Variants in TMEM163 observed in about 807,000 individuals in gnomAD.
The protein encoded by TMEM163 is transmembrane protein 163.
Under a neutral mutation model 29.3 loss-of-function variants are expected in TMEM163, and 17 were observed. The ratio of observed to expected loss-of-function variants is 0.58; its 90% CI spans 0.40 to 0.87. The LOEUF (loss-of-function observed/expected upper bound fraction) is 0.87. TMEM163 is among the 40% of genes least tolerant of loss of function. TMEM163 has a pLI of 0.00. For synonymous variants in TMEM163, 157 were observed against 160.6 expected (o/e 0.98, Z 0.17); for missense variants, 303 against 381.5 (o/e 0.79, Z 1.71).
intron 2 of TMEM163, among the ~76,000 whole-genome samples, chr2:134,559,474 C>T (rs1309668824): frequency 6.6e-6 from 1 of 152,200 alleles, no homozygotes; most frequent in East Asian, 1.9e-4. Context: ...TTTGAGAGCT[C>T]TTTGACTTCT....
At chr2:134,472,602 T>A (rs910559111) in intron 5 of TMEM163, among the ~76,000 whole-genome samples, 5 of 152,356 alleles carry the variant, frequency 3.3e-5, no homozygotes, top group Middle Eastern at 3.4e-3. Flanking sequence ...TGAATTTATC[T>A]TACTGCTATA....
At chr2:134,544,823 C>T (rs563375633) in intron 4 of TMEM163, among the ~76,000 whole-genome samples, 13 of 152,198 alleles carry the variant, frequency 8.5e-5, no homozygotes, top group African/African-American at 3.1e-4. Context: ...TATCCAGTTC[C>T]TCAGTGACTC....
At chr2:134,651,396 T>C (rs1285362105) in intron 2 of TMEM163, among the ~76,000 whole-genome samples, 2 of 135,040 alleles carry the variant, frequency 1.5e-5, no homozygotes, top group Non-Finnish European at 3.1e-5. Context: ...GGGTTGTTTG[T>C]TTTTTTCTTG....
At chr2:134,553,205 G>A (rs188739616) in intron 2 of TMEM163, among the ~76,000 whole-genome samples, 13 of 152,304 alleles carry the variant, frequency 8.5e-5, no homozygotes, top group Admixed American at 2.0e-4. Flanking sequence ...GGTCAGTGGC[G>A]CAGTAGAAGC....
intron 5 of TMEM163, among the ~76,000 whole-genome samples, chr2:134,495,018 G>A (rs1398466647): frequency 3.3e-5 from 5 of 152,100 alleles, no homozygotes; most frequent in Admixed American, 6.5e-5. Context: ...TCTGTCAAAC[G>A]TTTCCTGCCT....
intron 2 of TMEM163, among the ~76,000 whole-genome samples, chr2:134,615,332 C>A (rs566096928): frequency 6.6e-6 from 1 of 152,160 alleles, no homozygotes; most frequent in Non-Finnish European, 1.5e-5. Flanking sequence ...ATGGTGAAAT[C>A]ATTAATGCTT....
chr2:134,695,961 G>A lies in TMEM163; in HGVS notation c.322+17239C>T, dbSNP rs535357964. Among the ~76,000 whole-genome samples the A allele has an allele frequency of 6.6e-5, 10 of 150,912 alleles. 2 individuals are homozygous for A. The highest frequency in any genetic ancestry group is 2.4e-4 in the African/African-American group (10 of 41,134). On this transcript the variant is annotated intron_variant, in intron 2 of 7. Transcript: ENST00000281924. Reference sequence around the variant, plus strand: ...CAGCTATCAGGAGGCTGAGGTAGGAGAATTTCTTGAACCTAGGAGGCGGAG... The same window carrying A: ...CAGCTATCAGGAGGCTGAGGTAGGAAAATTTCTTGAACCTAGGAGGCGGAG...
At chr2:134,645,144 A>G (rs1456328249) in intron 2 of TMEM163, among the ~76,000 whole-genome samples, 2 of 152,182 alleles carry the variant, frequency 1.3e-5, no homozygotes, top group African/African-American at 4.8e-5. Flanking sequence ...AGGAACCAGA[A>G]CTCTTATACA....
chr2:134,674,340 ATT>A (rs72052495), intron 2 of TMEM163, among the ~76,000 whole-genome samples: 22 of 106,574 alleles, frequency 2.1e-4, no homozygotes, highest in Admixed American at 6.4e-4. Context: ...AGAGTCATTA[ATT>A]TTTTTTTTTT....
intron 2 of TMEM163, among the ~76,000 whole-genome samples, chr2:134,666,453 A>G (rs1574323875): frequency 1.3e-5 from 2 of 152,112 alleles, no homozygotes; most frequent in East Asian, 3.9e-4. Flanking sequence ...TTCTGCCTCC[A>G]CCTATGCCAC....
intron 2 of TMEM163, among the ~76,000 whole-genome samples, chr2:134,566,228 T>C (rs759680747): frequency 1.6e-4 from 25 of 152,032 alleles, no homozygotes; most frequent in Non-Finnish European, 2.9e-4. Flanking sequence ...GTAGCAAAAC[T>C]GAAAAAACGA....
intron 5 of TMEM163, among the ~76,000 whole-genome samples, chr2:134,493,609 C>T (rs1378773719): frequency 7.9e-5 from 12 of 151,948 alleles, no homozygotes; most frequent in African/African-American, 2.2e-4. Flanking sequence ...TGACCTCAGG[C>T]GATCTGCCCG....
intron 2 of TMEM163, among the ~76,000 whole-genome samples, chr2:134,690,206 C>T (rs972160064): frequency 2.6e-5 from 4 of 151,834 alleles, no homozygotes; most frequent in African/African-American, 9.7e-5. Context: ...GCTGGGATTA[C>T]AGGGGTGAGC....
At chr2:134,577,812 G>C (rs1681596057) in intron 2 of TMEM163, among the ~76,000 whole-genome samples, 1 of 149,296 alleles carries the variant, frequency 6.7e-6, no homozygotes, top group African/African-American at 2.5e-5. Context: ...AAAACATGTG[G>C]GGGGGAAAAA....
intron 2 of TMEM163, among the ~76,000 whole-genome samples, chr2:134,575,161 T>C (rs1441993376): frequency 6.6e-6 from 1 of 152,002 alleles, no homozygotes; most frequent in Non-Finnish European, 1.5e-5. Flanking sequence ...TCCACACAGC[T>C]TGAGTGGGAA....
rs76031901 is a variant in TMEM163, at chr2:134,518,788, C to G, written c.459-15791G>C. ...TCTAACTCGCCCCCTACTTCACTCC[C>G]ACTTCCTAGATCATGCCTGGAATCA... On this transcript the variant is annotated intron_variant, in intron 4 of 7. Transcript: ENST00000281924. Among the ~76,000 whole-genome samples the G allele has an allele frequency of 6.2e-4, 94 of 152,302 alleles. No homozygotes were observed. In the East Asian group the frequency reaches 8.9e-3, roughly 14 times the overall value.
At chr2:134,589,894 T>C (rs1416897479) in intron 2 of TMEM163, among the ~76,000 whole-genome samples, 2 of 152,124 alleles carry the variant, frequency 1.3e-5, no homozygotes, top group Admixed American at 1.3e-4. Context: ...ACTCATTGAG[T>C]GCCTATTGTG....
In TMEM163 at chr2:134,456,611, A is replaced by G; in HGVS notation, c.*105T>C. On this transcript the variant is annotated 3_prime_UTR_variant, in exon 8 of 8. Transcript: ENST00000281924. The stretch of plus-strand genomic sequence containing the variant: ...TTGTCTTGTAATGACAAACCATGTG[A>G]AAGAAAACTTCCAAAAAGAAACCAG... 1 of 1,374,396 alleles carries G rather than the reference A, an allele frequency of 7.3e-7. No homozygotes were observed. Among genetic ancestry groups the G allele is most frequent in the Non-Finnish European group, 1.0e-6 (1 of 985,788 alleles). 85.1% of individuals were successfully genotyped at this position (1,374,396 alleles called of 1,614,324 possible). A position where few individuals can be genotyped will look rare whatever the true frequency, so the allele number is the denominator to read the frequency against.
At chr2:134,474,522 A>G (rs1686872942) in intron 5 of TMEM163, among the ~76,000 whole-genome samples, 3 of 152,214 alleles carry the variant, frequency 2.0e-5, no homozygotes, top group Admixed American at 1.3e-4. Context: ...GACTCTGATT[A>G]GGAGGGAATA....
Sources: allele counts gnomAD v4.1 joint callset (sites outside exome capture counted in the v4.1 genomes callset), GRCh38; gene constraint gnomAD v4.1.1; transcripts MANE v1.5; gene names NCBI Gene and HGNC (gene_info 2026-07-23, HGNC 2026-07-21).